Variants in PLAU observed in about 807,000 individuals in gnomAD.
PLAU encodes the protein urokinase-type plasminogen activator.
Under a neutral mutation model 48.9 loss-of-function variants are expected in PLAU, and 32 were observed. The ratio of observed to expected loss-of-function variants is 0.65; its 90% CI spans 0.49 to 0.88. The LOEUF is 0.88. Among genes scored for constraint, PLAU ranks in the 40% least tolerant of loss-of-function variants. PLAU has a pLI of 0.00. For missense variants in PLAU, 455 were observed against 545.2 expected (o/e 0.83, Z 1.65); for synonymous variants, 199 against 205.7 (o/e 0.97, Z 0.28).
chr10:73,910,045 G>A (rs1198897098), upstream of PLAU: 2 of 152,184 alleles, frequency 1.3e-5, no homozygotes, highest in Non-Finnish European at 2.9e-5. Context: ...CTATGATGAA[G>A]TAAAACACTA....
chr10:73,914,176 G>A, intron 8 of PLAU, 48 bp downstream of exon 8: 1 of 1,602,014 alleles, frequency 6.2e-7, no homozygotes, highest in Non-Finnish European at 8.5e-7. Context: ...CTTGGGGAGA[G>A]TGGGACCCAG....
intron 10 of PLAU, 148 bp downstream of exon 10, chr10:73,915,547 C>A (rs532861475): frequency 2.1e-5 from 15 of 705,898 alleles, no homozygotes; most frequent in African/African-American, 2.0e-4. Flanking sequence ...TTAAACCAGT[C>A]CTTATGTGTT....
Position 73,915,418 on chromosome 10 carries a change from T to C in PLAU, c.1119+19T>C, listed in dbSNP as rs2136191277. 2 of 1,581,422 alleles carry C rather than the reference T, an allele frequency of 1.3e-6. No individual in the cohort carries two copies. Among genetic ancestry groups the C allele is most frequent in the Non-Finnish European group, 1.7e-6 (2 of 1,162,556 alleles). ...CTGCCAGGTGAGTGTTCCAAGCATC[T>C]CTCTCCACCTCTTCCATATCTCCCC... On this transcript the variant is annotated intron_variant, in intron 10 of 10. Coordinates refer to ENST00000372764, the MANE Select transcript of PLAU (RefSeq NM_002658.6).
At chr10:73,916,280 G>A in intron 10 of PLAU, 109 bp from the exon 11 acceptor site, 3 of 970,742 alleles carry the variant, frequency 3.1e-6, no homozygotes, top group Non-Finnish European at 4.8e-6. Flanking sequence ...AAGTCGCTAA[G>A]GACTTTGACT....
rs749821755 is a variant in PLAU at position 73,916,418 on chromosome 10, C to T, written c.1149C>T (p.Ser383=). The change falls in exon 11 of 11, where the codon TCC becomes TCT. Residue 383 remains serine (S), a synonymous_variant. Coordinates refer to ENST00000372764, the MANE Select transcript of PLAU (RefSeq NM_002658.6). ...ACTCAGGGGGACCCCTCGTCTGTTCCCTCCAAGGCCGCATGACTTTGACTG... is the reference window on the plus strand; with the variant it reads ...ACTCAGGGGGACCCCTCGTCTGTTCTCTCCAAGGCCGCATGACTTTGACTG... ...QGDSGGPLVC[S]LQGRMTLTGI... is the part of the protein sequence containing the mutation. 7 of 1,613,522 alleles carry T rather than the reference C, an allele frequency of 4.3e-6. No homozygotes were observed. In the South Asian group the frequency reaches 7.7e-5, roughly 18 times the overall value.
rs1450695619 is a variant in PLAU, at chr10:73,915,257, A to G, written c.977A>G (p.Tyr326Cys). The G allele has an allele frequency of 6.2e-7, 1 of 1,611,742 alleles. No individual in the cohort carries two copies. The highest frequency in any genetic ancestry group is 1.1e-5 in the South Asian group (1 of 90,800). Residue 326 changes from tyrosine (Y) to cysteine (C), a missense_variant, in exon 10 of 11, where the codon TAT becomes TGT. Physicochemically the swap from Tyr to Cys is radical, Grantham distance 194. Transcript: ENST00000372764. ...TGFGKENSTD[Y>C]LYPEQLKMTV... Reference sequence around the variant, plus strand: ...CCCTGTTTTCTCCACCTAGCCGACTATCTCTATCCGGAGCAGCTGAAAATG... The same window carrying G: ...CCCTGTTTTCTCCACCTAGCCGACTGTCTCTATCCGGAGCAGCTGAAAATG...
At chr10:73,914,751 C>T (rs1007936362) in intron 8 of PLAU, 25 bp from the exon 9 acceptor site, 1 of 1,608,582 alleles carries the variant, frequency 6.2e-7, no homozygotes, top group Non-Finnish European at 8.5e-7. Context: ...TGATCTTTCT[C>T]CTCTGACCCT....
At chr10:73,914,735 C>A in intron 8 of PLAU, 41 bp from the exon 9 acceptor site, 2 of 1,597,016 alleles carry the variant, frequency 1.3e-6, no homozygotes, top group Non-Finnish European at 1.7e-6. Context: ...ACCGCCTAAC[C>A]AGTAGTGATC....
chr10:73,915,038 G>A (rs1333869808), intron 9 of PLAU, 122 bp downstream of exon 9: 1 of 1,155,826 alleles, frequency 8.7e-7, no homozygotes, highest in Non-Finnish European at 1.3e-6. Flanking sequence ...GGTGGCAGAT[G>A]GGTCCAGGGA....
At chr10:73,911,685 T>A (rs1328519809) in intron 2 of PLAU, 73 bp downstream of exon 2, 1 of 1,592,230 alleles carries the variant, frequency 6.3e-7, no homozygotes, top group Non-Finnish European at 8.6e-7. Context: ...GAGGGGCTGC[T>A]CAGGGAGCTG....
At chr10:73,911,430 TG>T in intron 1 of PLAU, 94 bp from the exon 2 acceptor site, 1 of 1,253,630 alleles carries the variant, frequency 8.0e-7, no homozygotes, top group Non-Finnish European at 1.1e-6. Context: ...CTGGGGAGCC[TG>T]GTCACCGCGG....
chr10:73,909,519 G>A (rs186091908), upstream of PLAU, among the ~76,000 whole-genome samples: 1 of 152,322 alleles, frequency 6.6e-6, no homozygotes, highest in African/African-American at 2.4e-5. Flanking sequence ...CCTCCCAAAA[G>A]CTGAAAGGCT....
chr10:73,916,430 C>T lies in PLAU; in HGVS notation c.1161C>T (p.Arg387=), dbSNP rs746472439. 12 of 1,613,680 alleles carry T rather than the reference C, an allele frequency of 7.4e-6. No individual in the cohort carries two copies. In the Middle Eastern group the frequency reaches 4.9e-4, roughly 66 times the overall value. The change falls in exon 11 of 11, where the codon CGC becomes CGT. Residue 387 remains arginine (R), a synonymous_variant. Transcript: ENST00000372764. ...GGPLVCSLQG[R]MTLTGIVSWG... The stretch of plus-strand genomic sequence containing the variant: ...CCCTCGTCTGTTCCCTCCAAGGCCG[C>T]ATGACTTTGACTGGAATTGTGAGCT...
At chr10:73,913,945 G>T in intron 7 of PLAU, 35 bp from the exon 8 acceptor site, 1 of 1,603,278 alleles carries the variant, frequency 6.2e-7, no homozygotes, top group Non-Finnish European at 8.5e-7. Flanking sequence ...AGATTTCATG[G>T]GACTAAGCTG....
At chr10:73,912,874 G>A (rs756818784) in intron 4 of PLAU, 50 bp from the exon 5 acceptor site, 2 of 1,418,030 alleles carry the variant, frequency 1.4e-6, no homozygotes, top group East Asian at 4.6e-5. Flanking sequence ...AAAGTTAGTT[G>A]GAATGTTCTT....
chr10:73,911,330 G>A, intron 1 of PLAU, 112 bp downstream of exon 1: 1 of 634,962 alleles, frequency 1.6e-6, no homozygotes, highest in Non-Finnish European at 2.7e-6. Flanking sequence ...CCCGGCGGCT[G>A]CACGGAGTCA....
intron 2 of PLAU, 106 bp from the exon 3 acceptor site, chr10:73,911,922 CAGGGTGAGGCGAG>C: frequency 6.2e-7 from 1 of 1,600,448 alleles, no homozygotes; most frequent in Non-Finnish European, 8.5e-7. Context: ...TAGATACGAA[CAGGGTGAGGCGAG>C]AGGGAGAGGG....
chr10:73,912,413 G>T, intron 4 of PLAU, 91 bp downstream of exon 4: 1 of 935,848 alleles, frequency 1.1e-6, no homozygotes, highest in Non-Finnish European at 1.7e-6. Flanking sequence ...AGGAGCTGGA[G>T]GTAGGGTGGG....
chr10:73,915,935 TG>T (rs2096135813), intron 10 of PLAU, among the ~76,000 whole-genome samples: 1 of 151,902 alleles, frequency 6.6e-6, no homozygotes, highest in Non-Finnish European at 1.5e-5. Context: ...ATTTTAAACT[TG>T]ATGTGGTAGA....
Sources: gnomAD v4.1 joint callset for allele counts (sites outside exome capture counted in the v4.1 genomes callset) on GRCh38, gnomAD v4.1.1 for gene constraint, MANE v1.5 for transcripts, NCBI Gene and HGNC (gene_info 2026-07-23, HGNC 2026-07-21) for gene names.